Variants in DDX41 observed in about 807,000 individuals in gnomAD.
DDX41 encodes DEAD-box helicase 41.
In DDX41, 50 loss-of-function variants were observed where a neutral mutation model predicts 78.8. That is an observed-to-expected ratio of 0.63 (90% CI 0.51 to 0.80). DDX41 has a LOEUF of 0.80. Among genes scored for constraint, DDX41 ranks in the 30% least tolerant of loss-of-function variants. DDX41 has a pLI of 0.00. For synonymous variants in DDX41, 381 were observed against 321.5 expected, an observed-to-expected ratio of 1.19 and a Z score of -1.98; for missense variants, 633 against 849.2, an observed-to-expected ratio of 0.75 and a Z score of 3.16.
Position 177,512,316 on chromosome 5 carries a change from A to G in DDX41, c.1621+6T>C, listed in dbSNP as rs780474603. The G allele has an allele frequency of 2.5e-6, 4 of 1,613,830 alleles. No individual in the cohort carries two copies. Among genetic ancestry groups the G allele is most frequent in the Non-Finnish European group, 3.4e-6 (4 of 1,179,920 alleles). ...ACAGCTAAGGTGGCGCTGGTAACAG[A>G]CTCACCACACGCTTTGTTGATGAAG... On this transcript the variant is annotated splice_donor_region_variant and intron_variant, in intron 15 of 16. Coordinates refer to ENST00000330503, the MANE Select transcript of DDX41 (RefSeq NM_016222.4).
rs1761017315 is a variant in DDX41 at position 177,512,483 on chromosome 5, C to T, written c.1549+13G>A. 1 of 1,614,082 alleles carries T rather than the reference C, an allele frequency of 6.2e-7. No homozygotes were observed. Among genetic ancestry groups the T allele is most frequent in the Non-Finnish European group, 8.5e-7 (1 of 1,180,002 alleles). ...TCCGGCCTAACCCATGCCCTTGGGC[C>T]CCAGGCTCTTACCATAGTTCTCAAT... is the stretch of plus-strand genomic sequence containing the variant. On this transcript the variant is annotated intron_variant, in intron 14 of 16. Transcript: ENST00000330503.
At chr5:177,515,502 A>G in intron 6 of DDX41, 183 bp downstream of exon 6, 2 of 916,194 alleles carry the variant, frequency 2.2e-6, no homozygotes, top group Non-Finnish European at 3.4e-6. Flanking sequence ...GCTTTGTAAC[A>G]GCAGAGAACA....
At chr5:177,515,661 T>C in intron 6 of DDX41, 24 bp downstream of exon 6, 1 of 1,612,516 alleles carries the variant, frequency 6.2e-7, no homozygotes, top group Non-Finnish European at 8.5e-7. Flanking sequence ...AAAAGTGTGG[T>C]ATCTCTCTCC....
chr5:177,512,883 G>A lies in DDX41; in HGVS notation c.1303-7C>T, dbSNP rs777664440. 1.2e-5 allele frequency: 19 copies of A among 1,613,404 alleles called. No individual in the cohort carries two copies. The highest frequency in any genetic ancestry group is 6.7e-5 in the East Asian group (3 of 44,890). ...TCTCTGCAAAGATGAGTACCTGTCC[G>A]GAAAGACCAACTCCAGTCAGGGGCT... On this transcript the variant is annotated splice_region_variant and splice_polypyrimidine_tract_variant and intron_variant, in intron 12 of 16. Transcript: ENST00000330503.
intron 6 of DDX41, 133 bp from the exon 7 acceptor site, chr5:177,515,391 GA>G (rs745631263): frequency 0.024 from 15,172 of 641,868 alleles, no homozygotes; most frequent in Non-Finnish European, 0.026. Context: ...AGAGAGAGTG[GA>G]AAAAAAAAAA....
chr5:177,515,331 G>A (rs757136795), intron 6 of DDX41, 73 bp from the exon 7 acceptor site: 3 of 1,418,784 alleles, frequency 2.1e-6, no homozygotes, highest in Non-Finnish European at 3.0e-6. Context: ...TGTAAAACTG[G>A]CACTACCCCT....
Position 177,516,740 on chromosome 5 carries a change from C to A in DDX41, c.123G>T (p.Gln41His). The A allele has an allele frequency of 6.2e-7, 1 of 1,606,452 alleles. No homozygotes were observed. Among genetic ancestry groups the A allele is most frequent in the Non-Finnish European group, 8.5e-7 (1 of 1,177,020 alleles). ...EDYVPYVPLR[Q>H]RRQLLLQKLL... ...TGCCCCTCACCAGTAGCTGCCGGCG[C>A]TGCCGTAACGGCACATAGGGCACGT... Residue 41 changes from glutamine (Q) to histidine (H), a missense_variant, in exon 2 of 17, where the codon CAG (glutamine) becomes CAT (histidine). Physicochemically the swap from Gln to His is conservative, Grantham distance 24. This residue lies in a region of DDX41 where 140 missense variants were observed against 115.2 expected (regional missense o/e 1.22). Coordinates refer to ENST00000330503, the MANE Select transcript of DDX41 (RefSeq NM_016222.4).
chr5:177,513,425 A>G lies in DDX41; in HGVS notation c.1158T>C (p.Ala386=), dbSNP rs1310356035. ...TCACAGGCTTTACAAGGGCACTCTT[A>G]GCAAAGTTCTGAATCTTCTTCGGCA... ...ATMPKKIQNF[A]KSALVKPVTI... is the part of the protein sequence containing the mutation. The change falls in exon 11 of 17, where the codon GCT becomes GCC. Residue 386 remains alanine, a synonymous_variant. Transcript: ENST00000330503. The surrounding 1 kb of genome is among the most constrained non-coding windows in gnomAD (Gnocchi z 4.6). 5.6e-6 allele frequency: 9 copies of G among 1,614,186 alleles called. No individual in the cohort carries two copies. The South Asian group carries it at 8.8e-5, about 16-fold the overall frequency.
In DDX41 at chr5:177,512,387, C is replaced by T. The variant is rs1761007265; in HGVS notation, c.1556G>A (p.Arg519Gln). 1 of 1,614,044 alleles carries T rather than the reference C, an allele frequency of 6.2e-7. No individual in the cohort carries two copies. Among genetic ancestry groups the T allele is most frequent in the Non-Finnish European group, 8.5e-7 (1 of 1,180,010 alleles). Residue 519 changes from arginine (R) to glutamine (Q), a missense_variant, in exon 15 of 17, where the codon CGG becomes CAG. By Grantham distance (43) the Arg-to-Gln change is conservative. Transcript: ENST00000330503. ...MPEEIENYVH[R>Q]IGRTGRSGNT... ...TCCCGAGCGCCCGGTGCGGCCAATC[C>T]GGTGTACTGCAGAGAGAAGGACAGA...
In DDX41 at chr5:177,513,128, C is replaced by T. The variant is rs1463721465; in HGVS notation, c.1231-46G>A. 1 of 1,586,290 alleles carries T rather than the reference C, an allele frequency of 6.3e-7. No individual in the cohort carries two copies. The highest frequency in any genetic ancestry group is 8.6e-7 in the Non-Finnish European group (1 of 1,160,946). On this transcript the variant is annotated intron_variant, in intron 11 of 16. Transcript: ENST00000330503. This position sits in a 1 kb window ranked among gnomAD's most constrained non-coding sequence, Gnocchi z 4.6. ...TCAGGTGATCTTGAGATTAGGCTTA[C>T]CCGCCACAGCCCTGCCATGGCCCGT...
intron 6 of DDX41, 22 bp from the exon 7 acceptor site, chr5:177,515,280 G>A (rs752037922): frequency 5.9e-5 from 95 of 1,613,208 alleles, no homozygotes; most frequent in African/African-American, 3.9e-4. Context: ...AACCGACATC[G>A]TCTTCATGAC....
chr5:177,515,592 A>G lies in DDX41; in HGVS notation c.571+93T>C, dbSNP rs2127437449. 2.0e-6 allele frequency: 3 copies of G among 1,490,270 alleles called. No homozygotes were observed. The South Asian group carries it at 3.6e-5, about 18-fold the overall frequency. The allele number at this position is 1,490,270 out of a possible 1,614,324, so 92.3% of individuals were successfully genotyped here. A position where few individuals can be genotyped will look rare whatever the true frequency, so the allele number is the denominator to read the frequency against. The stretch of plus-strand genomic sequence containing the variant: ...CCTCCAGCCCCAGTGACTGGATCCA[A>G]TGCAGATGTGGCTGAGCTCAGTGGG... On this transcript the variant is annotated intron_variant, in intron 6 of 16. Coordinates refer to ENST00000330503, the MANE Select transcript of DDX41 (RefSeq NM_016222.4).
chr5:177,513,004 C>T lies in DDX41; in HGVS notation c.1302+7G>A, dbSNP rs753704623. On this transcript the variant is annotated splice_region_variant and intron_variant, in intron 12 of 16. Transcript: ENST00000330503. The surrounding 1 kb of genome is among the most constrained non-coding windows in gnomAD (Gnocchi z 4.6). ...CTCTGGCCCCGGCCTGGCCTGGCTG[C>T]ACTCACAGGCGGGGGTGTCTTCTGC... 8 of 1,613,536 alleles carry T rather than the reference C, an allele frequency of 5.0e-6. No homozygotes were observed. The highest frequency in any genetic ancestry group is 6.8e-6 in the Non-Finnish European group (8 of 1,179,766).
rs747056004 is a variant in DDX41, at chr5:177,512,178, C to G, written c.1650G>C (p.Ala550=). The change falls in exon 16 of 17, where the codon GCG becomes GCC. Residue 550 remains alanine (A), a synonymous_variant. Coordinates refer to ENST00000330503, the MANE Select transcript of DDX41 (RefSeq NM_016222.4). ...CCTTCTGCTTGGCTTCTAGCAGCAG[C>G]GCTTTGAGGTCCATCAGCACTGACT... ...CDESVLMDLK[A]LLLEAKQKVP... 1 of 1,613,610 alleles carries G rather than the reference C, an allele frequency of 6.2e-7. No homozygotes were observed. The highest frequency in any genetic ancestry group is 8.5e-7 in the Non-Finnish European group (1 of 1,180,024).
Position 177,513,681 on chromosome 5 carries a change from G to C in DDX41, c.1098+4C>G. 6.2e-7 allele frequency: 1 copy of C among 1,613,164 alleles called. No homozygotes were observed. Among genetic ancestry groups the C allele is most frequent in the Non-Finnish European group, 8.5e-7 (1 of 1,179,928 alleles). On this transcript the variant is annotated splice_donor_region_variant and intron_variant, in intron 10 of 16. Transcript: ENST00000330503. This position sits in a 1 kb window ranked among gnomAD's most constrained non-coding sequence, Gnocchi z 4.6. ...AGGGTGCCCTGGCCGGGCGGGGGCG[G>C]CACCTTGAAGTAGGAGAAGATGGTA...
In DDX41 at chr5:177,515,688, C is replaced by T. The variant is rs764270729; in HGVS notation, c.568G>A (p.Ala190Thr). ...TCTCTCTCCAGCCCCTGACTACCTGCAGGAAACTTCATTTCCTTGAAGCTC... is the reference window on the plus strand; with the variant it reads ...TCTCTCTCCAGCCCCTGACTACCTGTAGGAAACTTCATTTCCTTGAAGCTC... ...IKSFKEMKFP[A>T]AILRGLKKKG... Residue 190 changes from alanine (A) to threonine (T), a missense_variant, in exon 6 of 17, where the codon GCA (alanine) becomes ACA (threonine). Around this residue, in one of 6 missense-constraint regions of DDX41, gnomAD observed 126 missense variants for 115.5 expected, o/e 1.09. Coordinates refer to ENST00000330503, the MANE Select transcript of DDX41 (RefSeq NM_016222.4). The T allele has an allele frequency of 6.2e-7, 1 of 1,613,998 alleles. No individual in the cohort carries two copies. Among genetic ancestry groups the T allele is most frequent in the South Asian group, 1.1e-5 (1 of 91,080 alleles).
chr5:177,512,151 C>T lies in DDX41; in HGVS notation c.1677G>A (p.Val559=), dbSNP rs1461179103. The T allele has an allele frequency of 6.2e-7, 1 of 1,613,480 alleles. No homozygotes were observed. The highest frequency in any genetic ancestry group is 1.7e-5 in the Admixed American group (1 of 60,020). The stretch of plus-strand genomic sequence containing the variant: ...AATGCAGCACCTGCAGCACGGGCGG[C>T]ACCTTCTGCTTGGCTTCTAGCAGCA... ...KALLLEAKQK[V]PPVLQVLHCG... The change falls in exon 16 of 17, where the codon GTG becomes GTA. Residue 559 remains valine (V), a synonymous_variant. Coordinates refer to ENST00000330503, the MANE Select transcript of DDX41 (RefSeq NM_016222.4).
Position 177,511,754 on chromosome 5 carries a change from G to A in DDX41, c.*37C>T. ...TGTGTAGACTGGTGGCAGTCTTGGG[G>A]ACTGAGGCCTCTTGGAGAGAAGGGA... On this transcript the variant is annotated 3_prime_UTR_variant, in exon 17 of 17. Transcript: ENST00000330503. 2 of 1,608,488 alleles carry A rather than the reference G, an allele frequency of 1.2e-6. No homozygotes were observed. The highest frequency in any genetic ancestry group is 1.7e-6 in the Non-Finnish European group (2 of 1,176,260).
chr5:177,515,339 CCTA>C, intron 6 of DDX41, 81 bp from the exon 7 acceptor site: 1 of 1,360,528 alleles, frequency 7.4e-7, no homozygotes, highest in South Asian at 1.2e-5. Flanking sequence ...TGGCACTACC[CCTA>C]CAAGTTGCAG....
Sources: gnomAD v4.1 joint callset for allele counts on GRCh38, gnomAD v4.1.1 for gene constraint, gnomAD v4.1.1 regional missense constraint, Gnocchi (gnomAD v3.1) non-coding constraint, MANE v1.5 for transcripts, NCBI Gene and HGNC (gene_info 2026-07-23, HGNC 2026-07-21) for gene names.